The following EXOC4 variants were observed in gnomAD, a reference collection of about 807,000 sequenced individuals.
The protein encoded by EXOC4 is SEC8-like 1.
A neutral mutation model predicts 107.2 loss-of-function variants in EXOC4; 71 were observed. That is an observed-to-expected ratio of 0.66 (90% CI 0.55 to 0.81). EXOC4 has a LOEUF of 0.81. Ranked by LOEUF, EXOC4 falls within the 30% of genes least tolerant of loss-of-function variation. The pLI, the probability that EXOC4 is intolerant of heterozygous loss-of-function variation, is 0.00. For missense variants in EXOC4, 1,108 were observed against 1,189.6 expected (o/e 0.93, Z 1.01); for synonymous variants, 456 against 441.2 (o/e 1.03, Z -0.42).
intron 14 of EXOC4, among the ~76,000 whole-genome samples, chr7:133,979,634 A>G (rs1351177558): frequency 6.6e-6 from 1 of 151,982 alleles, no homozygotes; most frequent in Non-Finnish European, 1.5e-5. Context: ...AAAAATACAA[A>G]AAAATTAGCC....
intron 10 of EXOC4, among the ~76,000 whole-genome samples, chr7:133,745,981 C>T (rs933227256): frequency 6.6e-6 from 1 of 152,002 alleles, no homozygotes; most frequent in Non-Finnish European, 1.5e-5. Context: ...ATCCCTGTTA[C>T]AACATTTTTT....
At position 133,855,086 on chromosome 7, in the gene EXOC4, TATATAA is replaced by T. The variant is rs1287384943; in HGVS notation, c.1734+37548_1734+37553del. ...AAATATATCTAAATATATCTAAATA[TATATAA>T]ATATATATATAAATATATATAAATA... is the stretch of plus-strand genomic sequence containing the variant. On this transcript the variant is annotated intron_variant, in intron 11 of 17. Coordinates refer to ENST00000253861, the MANE Select transcript of EXOC4 (RefSeq NM_021807.4). 2.0e-3 allele frequency among the ~76,000 whole-genome samples: 179 copies of T among 87,820 alleles called. 7 individuals carry two copies. The highest frequency in any genetic ancestry group is 0.017 in the South Asian group (45 of 2,700). The allele number at this position is 87,820 out of a possible 152,430, so 57.6% of individuals were successfully genotyped here.
At chr7:134,039,600 A>G (rs950657589) in intron 17 of EXOC4, among the ~76,000 whole-genome samples, 1 of 152,258 alleles carries the variant, frequency 6.6e-6, no homozygotes, top group South Asian at 2.1e-4. Context: ...ATAGTCCTCC[A>G]TTCAGAGCTG....
intron 7 of EXOC4, among the ~76,000 whole-genome samples, chr7:133,460,157 T>G (rs555618724): frequency 6.6e-6 from 1 of 152,262 alleles, no homozygotes; most frequent in East Asian, 1.9e-4. Context: ...CCTCACATCA[T>G]CAGATATTAG....
In EXOC4 at chr7:133,398,945, TAACTC is replaced by T. The variant is rs1381429815; in HGVS notation, c.1182+23947_1182+23951del. On this transcript the variant is annotated intron_variant, in intron 7 of 17. Transcript: ENST00000253861. ...ACATTTATAAAGGTTAAAATATAGATAACTCAACCATTATTATTATCCTCATTTAG... is the reference window on the plus strand; with the variant it reads ...ACATTTATAAAGGTTAAAATATAGATAACCATTATTATTATCCTCATTTAG... 7.9e-5 allele frequency among the ~76,000 whole-genome samples: 12 copies of T among 152,250 alleles called. 1 individual carries two copies. The highest frequency in any genetic ancestry group is 1.9e-4 in the East Asian group (1 of 5,202).
At chr7:133,692,914 C>T (rs1378632152) in intron 10 of EXOC4, among the ~76,000 whole-genome samples, 1 of 152,120 alleles carries the variant, frequency 6.6e-6, no homozygotes, top group Non-Finnish European at 1.5e-5. Context: ...TTATTTTATT[C>T]CATTTGTACC....
At chr7:133,388,129 A>G (rs950768314) in intron 7 of EXOC4, among the ~76,000 whole-genome samples, 7 of 152,080 alleles carry the variant, frequency 4.6e-5, no homozygotes, top group Non-Finnish European at 7.4e-5. Flanking sequence ...TGTTTTTACT[A>G]TGGAAAATTT....
chr7:133,424,694 C>T (rs1425082153), intron 7 of EXOC4, among the ~76,000 whole-genome samples: 1 of 152,132 alleles, frequency 6.6e-6, no homozygotes, highest in African/African-American at 2.4e-5. Context: ...TTTTTATTGT[C>T]AGAATATTGT....
chr7:133,565,733 T>C (rs2150954573), intron 9 of EXOC4, among the ~76,000 whole-genome samples: 1 of 152,334 alleles, frequency 6.6e-6, no homozygotes. Context: ...GTTTGAATCT[T>C]CTGGGTTTTT....
chr7:134,062,208 T>A (rs1796077725), intron 17 of EXOC4, among the ~76,000 whole-genome samples: 1 of 152,214 alleles, frequency 6.6e-6, no homozygotes, highest in Non-Finnish European at 1.5e-5. Flanking sequence ...TTTCCATTTC[T>A]GCCACTATTT....
chr7:133,548,604 T>G (rs1377901799), intron 9 of EXOC4, among the ~76,000 whole-genome samples: 2 of 152,240 alleles, frequency 1.3e-5, no homozygotes, highest in Non-Finnish European at 2.9e-5. Context: ...CACTTGCTGC[T>G]TCACCTTGCC....
intron 5 of EXOC4, among the ~76,000 whole-genome samples, chr7:133,319,059 C>T (rs1243966774): frequency 2.0e-5 from 3 of 152,076 alleles, no homozygotes; most frequent in Non-Finnish European, 4.4e-5. Context: ...TGGAAATTAC[C>T]AGTTGTTACA....
At chr7:133,785,474 G>C (rs906339195) in intron 10 of EXOC4, among the ~76,000 whole-genome samples, 1 of 152,118 alleles carries the variant, frequency 6.6e-6, no homozygotes, top group African/African-American at 2.4e-5. Flanking sequence ...TATAGGGATA[G>C]AGTGAAAAGA....
At chr7:133,265,798 A>G (rs775856630) in intron 1 of EXOC4, among the ~76,000 whole-genome samples, 7 of 152,200 alleles carry the variant, frequency 4.6e-5, no homozygotes, top group Non-Finnish European at 1.0e-4. Flanking sequence ...ACTTAATGCT[A>G]ACTATTCTGC....
chr7:133,994,709 A>G lies in EXOC4; in HGVS notation c.2207-2783A>G, dbSNP rs563311412. On this transcript the variant is annotated intron_variant, in intron 14 of 17. Coordinates refer to ENST00000253861, the MANE Select transcript of EXOC4 (RefSeq NM_021807.4). The stretch of plus-strand genomic sequence containing the variant: ...CTCTTCTGATATGAAGGGTAATACT[A>G]TAGATAAATATACAACAATGTAGCC... Among the ~76,000 whole-genome samples the G allele has an allele frequency of 2.0e-5, 3 of 152,102 alleles. No individual in the cohort carries two copies. In the South Asian group the frequency reaches 6.2e-4, roughly 32 times the overall value.
At chr7:133,937,438 T>C (rs962843206) in intron 13 of EXOC4, among the ~76,000 whole-genome samples, 8 of 152,260 alleles carry the variant, frequency 5.3e-5, no homozygotes, top group African/African-American at 1.9e-4. Context: ...GGATCGTCTT[T>C]GCTTTTGAAC....
chr7:134,068,593 C>G (rs992344373), downstream of EXOC4, among the ~76,000 whole-genome samples: 3 of 152,128 alleles, frequency 2.0e-5, no homozygotes, highest in South Asian at 4.1e-4. Flanking sequence ...AATATAGGGG[C>G]TGTATCTTGC....
At chr7:133,653,274 T>C (rs1244992818) in intron 10 of EXOC4, among the ~76,000 whole-genome samples, 2 of 152,198 alleles carry the variant, frequency 1.3e-5, no homozygotes, top group African/African-American at 4.8e-5. Context: ...TGGTTTGTAA[T>C]CCAAAACCAT....
intron 11 of EXOC4, among the ~76,000 whole-genome samples, chr7:133,823,825 CATATATATATATATATATT>C (rs1797584145): frequency 8.5e-5 from 4 of 46,908 alleles, no homozygotes; most frequent in Admixed American, 3.8e-4. Context: ...AAAATACATA[CATATATATATATATATATT>C]ATATATATAT....
Sources: allele counts gnomAD v4.1 joint callset (sites outside exome capture counted in the v4.1 genomes callset), GRCh38; gene constraint gnomAD v4.1.1; transcripts MANE v1.5; gene names NCBI Gene and HGNC (gene_info 2026-07-23, HGNC 2026-07-21).